The following MYO16 variants were observed in gnomAD, a reference collection of about 807,000 sequenced individuals.
MYO16 encodes unconventional myosin-XVI.
A neutral mutation model predicts 205.3 loss-of-function variants in MYO16; 94 were observed. That is an observed-to-expected ratio of 0.46 (90% CI 0.39 to 0.54). The LOEUF (loss-of-function observed/expected upper bound fraction) is 0.54. MYO16 is among the 20% of genes least tolerant of loss of function. The pLI is 0.00. For missense variants in MYO16, 2,315 were observed against 2,387.5 expected (o/e 0.97, Z 0.63); for synonymous variants, 988 against 954.0 (o/e 1.04, Z -0.66).
chr13:108,772,157 G>A (rs919553577), intron 4 of MYO16, among the ~76,000 whole-genome samples: 40 of 151,942 alleles, frequency 2.6e-4, no homozygotes, highest in African/African-American at 9.7e-4. Flanking sequence ...GAGACAAGCC[G>A]GGGCAACATG....
At chr13:109,130,486 T>C (rs755297169) in intron 31 of MYO16, among the ~76,000 whole-genome samples, 24 of 152,252 alleles carry the variant, frequency 1.6e-4, no homozygotes, top group Non-Finnish European at 2.5e-4. Context: ...GTGCTCTCAA[T>C]ACTGTATATT....
At chr13:109,201,512 A>AAAAAAAAC (rs58049917) in intron 34 of MYO16, 1 of 147,378 alleles carries the variant, frequency 6.8e-6, no homozygotes, top group Non-Finnish European at 1.5e-5. Flanking sequence ...AAAAAAAAAA[A>AAAAAAAAC]TCTTATTCTT....
At chr13:109,072,225 G>A (rs1187149433) in intron 27 of MYO16, among the ~76,000 whole-genome samples, 4 of 152,050 alleles carry the variant, frequency 2.6e-5, no homozygotes, top group Admixed American at 1.3e-4. Flanking sequence ...CAATTTTTAC[G>A]ATCGATGTTA....
At position 109,090,855 on chromosome 13, in the gene MYO16, C is replaced by T. The variant is rs113455756; in HGVS notation, c.3336-9930C>T. Among the ~76,000 whole-genome samples the T allele has an allele frequency of 2.6e-3, 390 of 152,280 alleles. 3 individuals are homozygous for T. Among genetic ancestry groups the T allele is most frequent in the African/African-American group, 7.3e-3 (302 of 41,572 alleles). On this transcript the variant is annotated intron_variant, in intron 27 of 34. Coordinates refer to ENST00000457511, the MANE Select transcript of MYO16 (RefSeq NM_001198950.3). ...CACTTCTGCAATCCCCGCCCCTCCCCGTCCCATTTCTCTTTCTTATCCTTC... is the reference window on the plus strand; with the variant it reads ...CACTTCTGCAATCCCCGCCCCTCCCTGTCCCATTTCTCTTTCTTATCCTTC...
At chr13:108,793,192 A>G (rs931758105) in intron 5 of MYO16, among the ~76,000 whole-genome samples, 6 of 151,620 alleles carry the variant, frequency 4.0e-5, no homozygotes, top group African/African-American at 1.5e-4. Context: ...AGGCTGAGGC[A>G]GGAGAATGGC....
intron 28 of MYO16, among the ~76,000 whole-genome samples, chr13:109,111,427 A>G (rs1187072780): frequency 3.3e-5 from 5 of 152,240 alleles, no homozygotes; most frequent in Admixed American, 1.3e-4. Flanking sequence ...ACTTTAAAAA[A>G]TACTAGGGCA....
chr13:108,964,257 G>A (rs1883703202), intron 19 of MYO16, among the ~76,000 whole-genome samples: 1 of 152,146 alleles, frequency 6.6e-6, no homozygotes, highest in Non-Finnish European at 1.5e-5. Flanking sequence ...TCACTCAAGA[G>A]TTCAATCACT....
intron 10 of MYO16, among the ~76,000 whole-genome samples, chr13:108,845,646 A>G (rs1877480635): frequency 6.6e-6 from 1 of 152,196 alleles, no homozygotes; most frequent in African/African-American, 2.4e-5. Context: ...GGGCTTCCAC[A>G]TATGAGTTTG....
chr13:108,749,244 A>T (rs4771604), intron 4 of MYO16, among the ~76,000 whole-genome samples: 63,078 of 151,720 alleles, frequency 0.42, 13,161 homozygotes, highest in East Asian at 0.55. Context: ...TATGATATGT[A>T]ATCAATCTCT....
At chr13:108,983,166 C>G (rs1385955429) in intron 20 of MYO16, among the ~76,000 whole-genome samples, 2 of 152,082 alleles carry the variant, frequency 1.3e-5, no homozygotes, top group Non-Finnish European at 2.9e-5. Context: ...ATATACCATG[C>G]AAAGTAAAAT....
chr13:109,119,955 G>A (rs1006122789), intron 28 of MYO16, among the ~76,000 whole-genome samples: 8 of 152,144 alleles, frequency 5.3e-5, no homozygotes, highest in African/African-American at 1.7e-4. Flanking sequence ...TTTATGTTTC[G>A]TTTGGTCTTT....
chr13:108,500,730 T>C, the MYO16 span, among the ~76,000 whole-genome samples: 18 of 152,328 alleles, frequency 1.2e-4, no homozygotes, highest in Admixed American at 2.0e-4. Context: ...GACCAGGCCC[T>C]AATTCATCTT....
chr13:108,869,715 A>G (rs184201258), intron 12 of MYO16, among the ~76,000 whole-genome samples: 1,760 of 132,626 alleles, frequency 0.013, 18 homozygotes, highest in Non-Finnish European at 0.021. Flanking sequence ...TGGGCGACAG[A>G]GCGAGACTCC....
chr13:108,707,844 A>G (rs1883571696), intron 2 of MYO16, among the ~76,000 whole-genome samples: 1 of 152,126 alleles, frequency 6.6e-6, no homozygotes, highest in African/African-American at 2.4e-5. Context: ...TAAACACACA[A>G]TTTTAGATCC....
chr13:108,973,866 TCTTTA>T (rs1468952180), intron 20 of MYO16, among the ~76,000 whole-genome samples: 2 of 152,134 alleles, frequency 1.3e-5, no homozygotes, highest in African/African-American at 4.8e-5. Context: ...AGACTTGTTA[TCTTTA>T]CTTAATTAGA....
chr13:108,569,895 T>C, the MYO16 span, among the ~76,000 whole-genome samples: 9 of 152,234 alleles, frequency 5.9e-5, no homozygotes, highest in Non-Finnish European at 1.3e-4. Flanking sequence ...TCCTTAATAC[T>C]ATAAATATGG....
intron 16 of MYO16, among the ~76,000 whole-genome samples, chr13:108,923,266 C>T (rs1197245254): frequency 6.6e-6 from 1 of 152,120 alleles, no homozygotes; most frequent in African/African-American, 2.4e-5. Context: ...GGGATGACCT[C>T]AGAACACGGT....
chr13:109,205,646 C>A (rs1042540348), intron 34 of MYO16, among the ~76,000 whole-genome samples: 1 of 152,038 alleles, frequency 6.6e-6, no homozygotes, highest in Non-Finnish European at 1.5e-5. Flanking sequence ...TCTGCAATGT[C>A]CAGCTACTAC....
intron 2 of MYO16, 36 bp downstream of exon 2, chr13:108,666,185 T>C (rs1365597726): frequency 6.5e-7 from 1 of 1,539,526 alleles, no homozygotes; most frequent in Admixed American, 2.0e-5. Flanking sequence ...TTTTCTGATG[T>C]GATTTTTCAT....
Sources: gnomAD v4.1 joint callset for allele counts (sites outside exome capture counted in the v4.1 genomes callset) on GRCh38, gnomAD v4.1.1 for gene constraint, MANE v1.5 for transcripts, NCBI Gene and HGNC (gene_info 2026-07-23, HGNC 2026-07-21) for gene names.